The following TMC2 variants were observed in gnomAD, a reference collection of about 807,000 sequenced individuals.
The protein encoded by TMC2 is transmembrane channel like 2, also known as transmembrane channel-like protein 2.
In TMC2, 102 loss-of-function variants were observed where a neutral mutation model predicts 105.9. The ratio of observed to expected loss-of-function variants is 0.96; its 90% confidence interval spans 0.82 to 1.14. The LOEUF is 1.14. TMC2 is among the 50% of genes most tolerant of loss of function. TMC2 has a pLI of 0.00. For missense variants in TMC2, 1,093 were observed against 1,134.3 expected, an observed-to-expected ratio of 0.96 and a Z score of 0.52; for synonymous variants, 402 against 422.8, an observed-to-expected ratio of 0.95 and a Z score of 0.60.
chr20:2,536,618 G>A lies in TMC2; in HGVS notation c.-4G>A. ...TGTGCAGGACCCCAGCAGTGCTGCT[G>A]ACCATGAGCCACCAGGTAAAGGGCC... On this transcript the variant is annotated 5_prime_UTR_variant, in exon 1 of 20. Transcript: ENST00000358864. 6.4e-7 allele frequency: 1 copy of A among 1,572,012 alleles called. No homozygotes were observed. Among genetic ancestry groups the A allele is most frequent in the Non-Finnish European group, 8.6e-7 (1 of 1,158,692 alleles).
At chr20:2,589,155 G>C (rs917016585) in intron 7 of TMC2, among the ~76,000 whole-genome samples, 4 of 152,024 alleles carry the variant, frequency 2.6e-5, no homozygotes, top group African/African-American at 9.7e-5. Context: ...TTATTCCTCT[G>C]GTGGGAGAAC....
At chr20:2,568,791 G>A (rs994221228) in intron 4 of TMC2, among the ~76,000 whole-genome samples, 1 of 152,144 alleles carries the variant, frequency 6.6e-6, no homozygotes, top group Admixed American at 6.6e-5. Context: ...CATTGAGGAG[G>A]ACATACAGCC....
At chr20:2,579,465 A>G (rs1029257335) in intron 6 of TMC2, among the ~76,000 whole-genome samples, 1 of 151,328 alleles carries the variant, frequency 6.6e-6, no homozygotes, top group Non-Finnish European at 1.5e-5. Context: ...TCTGTTGCCC[A>G]GGCTGGAGTG....
At chr20:2,599,606 A>G (rs1259881806) in intron 10 of TMC2, among the ~76,000 whole-genome samples, 2 of 129,842 alleles carry the variant, frequency 1.5e-5, no homozygotes, top group Non-Finnish European at 3.2e-5. Context: ...GCCCAGTTAA[A>G]TTTTTCTATT....
At chr20:2,624,171 C>A in intron 16 of TMC2, 100 bp from the exon 17 acceptor site, 2 of 1,281,728 alleles carry the variant, frequency 1.6e-6, no homozygotes, top group Non-Finnish European at 2.1e-6. Flanking sequence ...AAAGCAGTGG[C>A]AGGCAGCAGC....
chr20:2,592,980 T>G lies in TMC2; in HGVS notation c.933+572T>G, dbSNP rs1046109688. Reference sequence around the variant, plus strand: ...CTGAACCTACCTACTAAATATTTCTTAAATCTTTTGTAAACCCAATTGTAT... The same window carrying G: ...CTGAACCTACCTACTAAATATTTCTGAAATCTTTTGTAAACCCAATTGTAT... On this transcript the variant is annotated intron_variant, in intron 8 of 19. Transcript: ENST00000358864. This position sits in a 1 kb window ranked among gnomAD's most constrained non-coding sequence, Gnocchi z 4.9. Among the ~76,000 whole-genome samples, 3 of 152,202 alleles carry G rather than the reference T, an allele frequency of 2.0e-5. No homozygotes were observed. The highest frequency in any genetic ancestry group is 4.8e-5 in the African/African-American group (2 of 41,446).
At position 2,547,436 on chromosome 20, in the gene TMC2, A is replaced by C. The variant is rs570598876; in HGVS notation, c.82+10120A>C. ...AACACATAATTGCTGAAATGTTTGA[A>C]CATTTTACCTACACAAGTTAACCTA... On this transcript the variant is annotated intron_variant, in intron 2 of 19. Transcript: ENST00000358864. Among the ~76,000 whole-genome samples, 7 of 152,354 alleles carry C rather than the reference A, an allele frequency of 4.6e-5. No individual in the cohort carries two copies. In the South Asian group the frequency reaches 1.4e-3, roughly 32 times the overall value.
At position 2,558,767 on chromosome 20, in the gene TMC2, A is replaced by T; in HGVS notation, c.394A>T (p.Lys132Ter). The T allele has an allele frequency of 6.5e-7, 1 of 1,547,828 alleles. No homozygotes were observed. Among genetic ancestry groups the T allele is most frequent in the South Asian group, 1.3e-5 (1 of 78,914 alleles). The part of the protein sequence containing the change: ...RREEKSKRQK[K>*]PRSSSLASSA... ...GGAGGAGAAGTCGAAGCGGCAGAAG[A>T]AACCCAGGTGTGTTGTGGCTCCGAT... Residue 132 changes from lysine to a stop codon, truncating the protein, a stop_gained, in exon 3 of 20, where the codon AAA (lysine) becomes TAA (stop). Coordinates refer to ENST00000358864, the MANE Select transcript of TMC2 (RefSeq NM_080751.3). LOFTEE classifies it high-confidence loss of function. The surrounding 1 kb of genome is among the most constrained non-coding windows in gnomAD (Gnocchi z 4.6).
intron 14 of TMC2, 40 bp downstream of exon 14, chr20:2,613,362 TCAAC>T (rs1376027952): frequency 6.2e-7 from 1 of 1,613,604 alleles, no homozygotes; most frequent in African/African-American, 1.3e-5. Flanking sequence ...CAAAGGAATT[TCAAC>T]TATCTTCTTT....
Position 2,626,522 on chromosome 20 carries a change from C to T in TMC2, c.2306+2126C>T, listed in dbSNP as rs142463387. 6.4e-3 allele frequency among the ~76,000 whole-genome samples: 973 copies of T among 152,288 alleles called. 15 individuals are homozygous for T. Among genetic ancestry groups the T allele is most frequent in the Middle Eastern group, 0.031 (9 of 292 alleles). On this transcript the variant is annotated intron_variant, in intron 17 of 19. Transcript: ENST00000358864. ...CTATTGAAGCAATCACAAAGGGATA[C>T]CCAGGTTCAAGAGAAAGAAATATAG...
intron 14 of TMC2, among the ~76,000 whole-genome samples, chr20:2,614,304 A>T (rs2086464631): frequency 6.6e-6 from 1 of 152,214 alleles, no homozygotes; most frequent in Admixed American, 6.5e-5. Flanking sequence ...TCCAGAAAAA[A>T]TATTTAAAAA....
At chr20:2,601,046 A>C (rs113607269) in intron 10 of TMC2, among the ~76,000 whole-genome samples, 16 of 152,094 alleles carry the variant, frequency 1.1e-4, no homozygotes, top group East Asian at 7.7e-4. Context: ...TCCAAAAAAA[A>C]CCCATAAAAT....
chr20:2,574,856 G>C (rs1229468152), intron 5 of TMC2, among the ~76,000 whole-genome samples: 1 of 151,972 alleles, frequency 6.6e-6, no homozygotes, highest in Non-Finnish European at 1.5e-5. Flanking sequence ...CTCCCAAGTA[G>C]CTGGGATTAT....
chr20:2,537,389 C>T, intron 2 of TMC2, 73 bp downstream of exon 2: 1 of 1,226,828 alleles, frequency 8.2e-7, no homozygotes, highest in Non-Finnish European at 1.2e-6. Context: ...AACAGTCCAG[C>T]CACCCATCCA....
Position 2,642,457 on chromosome 20 carries a change from T to C in TMC2, c.*1106T>C, listed in dbSNP as rs2086695898. 6.6e-6 allele frequency among the ~76,000 whole-genome samples: 1 copy of C among 152,194 alleles called. No individual in the cohort carries two copies. The highest frequency in any genetic ancestry group is 1.5e-5 in the Non-Finnish European group (1 of 68,040). ...ACCCAGGGCAGAAAAATCTTTTTCATGCACCAAATTCTAAAAGGAATTTGA... is the reference window on the plus strand; with the variant it reads ...ACCCAGGGCAGAAAAATCTTTTTCACGCACCAAATTCTAAAAGGAATTTGA... On this transcript the variant is annotated 3_prime_UTR_variant, in exon 20 of 20. Transcript: ENST00000358864.
intron 3 of TMC2, among the ~76,000 whole-genome samples, chr20:2,560,646 G>A (rs1347118168): frequency 1.3e-5 from 2 of 152,004 alleles, no homozygotes; most frequent in East Asian, 3.9e-4. Context: ...GATCATCCTG[G>A]CTAACATGGT....
At chr20:2,598,169 C>T (rs1252053292) in intron 10 of TMC2, among the ~76,000 whole-genome samples, 2 of 150,674 alleles carry the variant, frequency 1.3e-5, no homozygotes, top group African/African-American at 4.9e-5. Flanking sequence ...AACCAAACAC[C>T]ACCTGTTCCC....
At chr20:2,580,530 C>CA (rs1212063217) in intron 7 of TMC2, among the ~76,000 whole-genome samples, 1 of 151,846 alleles carries the variant, frequency 6.6e-6, no homozygotes, top group Non-Finnish European at 1.5e-5. Flanking sequence ...TATTTATCAC[C>CA]AAAAAAACTT....
At position 2,611,829 on chromosome 20, in the gene TMC2, A is replaced by AATGGATGG. The variant is rs556611452; in HGVS notation, c.1594-329_1594-322dup. On this transcript the variant is annotated intron_variant, in intron 12 of 19. Coordinates refer to ENST00000358864, the MANE Select transcript of TMC2 (RefSeq NM_080751.3). ...GGATGGCTGAATGCTTAGATGGATG[A>AATGGATGG]ATGGATGGATGGATGGATGGATGGA... Among the ~76,000 whole-genome samples, 523 of 111,398 alleles carry AATGGATGG rather than the reference A, an allele frequency of 4.7e-3. 8 individuals are homozygous for AATGGATGG. The highest frequency in any genetic ancestry group is 0.012 in the African/African-American group (298 of 25,582). 73.1% of individuals were successfully genotyped at this position (111,398 alleles called of 152,430 possible). A position where few individuals can be genotyped will look rare whatever the true frequency, so the allele number is the denominator to read the frequency against.
Sources: gnomAD v4.1 joint callset for allele counts (sites outside exome capture counted in the v4.1 genomes callset) on GRCh38, gnomAD v4.1.1 for gene constraint, Gnocchi (gnomAD v3.1) non-coding constraint, MANE v1.5 for transcripts, NCBI Gene and HGNC (gene_info 2026-07-23, HGNC 2026-07-21) for gene names.